RIT2: variants seen among roughly 807,000 people sequenced by gnomAD.
The protein encoded by RIT2 is Ras like without CAAX 2.
In RIT2, 24 loss-of-function variants were observed where a neutral mutation model predicts 23.7. The observed-to-expected ratio is 1.01, with a 90% confidence interval of 0.73 to 1.43. The LOEUF (loss-of-function observed/expected upper bound fraction) is 1.43, where lower values mean the gene tolerates loss of function less well. Among genes scored for constraint, RIT2 ranks in the 40% most tolerant of loss-of-function variants. The probability of loss-of-function intolerance (pLI) is 0.00; values close to 1 mark genes in which losing one functional copy is unlikely to be tolerated. For missense variants in RIT2, 236 were observed against 266.9 expected (o/e 0.88, Z 0.81); for synonymous variants, 107 against 91.1 (o/e 1.17, Z -0.99).
Position 42,905,553 on chromosome 18 carries a change from A to G in RIT2, c.426+18019T>C, listed in dbSNP as rs182963565. 4.2e-3 allele frequency among the ~76,000 whole-genome samples: 641 copies of G among 152,224 alleles called. 4 individuals are homozygous for G. The highest frequency in any genetic ancestry group is 5.9e-3 in the Non-Finnish European group (402 of 68,000). ...AGTGGTGCAATCTTGGCTCACTGCAACCTCTGCCTCGCAGGTTCAAGTGAT... is the reference window on the plus strand; with the variant it reads ...AGTGGTGCAATCTTGGCTCACTGCAGCCTCTGCCTCGCAGGTTCAAGTGAT... On this transcript the variant is annotated intron_variant, in intron 4 of 4. Coordinates refer to ENST00000326695, the MANE Select transcript of RIT2 (RefSeq NM_002930.4).
chr18:42,809,685 T>C (rs565376471), intron 4 of RIT2, among the ~76,000 whole-genome samples: 73 of 151,508 alleles, frequency 4.8e-4, no homozygotes, highest in African/African-American at 1.6e-3. Flanking sequence ...GTAGAATGAC[T>C]AGTTTACAGT....
At chr18:42,954,715 G>A (rs952554014) in intron 3 of RIT2, among the ~76,000 whole-genome samples, 2 of 151,884 alleles carry the variant, frequency 1.3e-5, no homozygotes, top group African/African-American at 4.8e-5. Context: ...ATACAACGTA[G>A]CCTTCAGATG....
chr18:43,092,520 G>C (rs568466223), intron 1 of RIT2, among the ~76,000 whole-genome samples: 1 of 152,046 alleles, frequency 6.6e-6, no homozygotes, highest in African/African-American at 2.4e-5. Context: ...GTGTGTTTTT[G>C]AGTTTGTGAA....
At chr18:43,040,990 G>A (rs1034742045) in intron 1 of RIT2, among the ~76,000 whole-genome samples, 5 of 151,960 alleles carry the variant, frequency 3.3e-5, no homozygotes, top group Admixed American at 1.3e-4. Flanking sequence ...AATTTTTGTA[G>A]GGTGTAAAAC....
chr18:43,061,049 C>T (rs1912632696), intron 1 of RIT2, among the ~76,000 whole-genome samples: 1 of 151,948 alleles, frequency 6.6e-6, no homozygotes, highest in African/African-American at 2.4e-5. Context: ...GTAATATCTA[C>T]ATTATATATA....
intron 3 of RIT2, among the ~76,000 whole-genome samples, chr18:42,933,170 A>G (rs990921785): frequency 6.6e-6 from 1 of 152,144 alleles, no homozygotes; most frequent in Non-Finnish European, 1.5e-5. Flanking sequence ...TGCTAACTCT[A>G]TGATAATGTA....
intron 2 of RIT2, among the ~76,000 whole-genome samples, chr18:43,022,374 G>A (rs1911617260): frequency 6.6e-6 from 1 of 152,076 alleles, no homozygotes; most frequent in South Asian, 2.1e-4. Flanking sequence ...GAAGGAATAA[G>A]TTCTAATGTG....
chr18:42,856,438 T>C (rs888293800), intron 4 of RIT2, among the ~76,000 whole-genome samples: 1 of 152,228 alleles, frequency 6.6e-6, no homozygotes. Flanking sequence ...CACATAAAAC[T>C]AGACAATTTC....
intron 4 of RIT2, among the ~76,000 whole-genome samples, chr18:42,916,190 T>A (rs1208216437): frequency 6.6e-6 from 1 of 152,118 alleles, no homozygotes; most frequent in Non-Finnish European, 1.5e-5. Flanking sequence ...TGATAATTAG[T>A]ATTTCTAATG....
At chr18:42,961,326 A>G (rs1910089052) in intron 3 of RIT2, among the ~76,000 whole-genome samples, 1 of 152,222 alleles carries the variant, frequency 6.6e-6, no homozygotes. Flanking sequence ...CAGTTACTCC[A>G]GAAGTAGAGT....
intron 4 of RIT2, among the ~76,000 whole-genome samples, chr18:42,895,562 A>T (rs1908305444): frequency 1.3e-5 from 2 of 152,234 alleles, no homozygotes; most frequent in Admixed American, 1.3e-4. Flanking sequence ...TACAGTACTC[A>T]TGGTCAACAC....
chr18:42,872,804 A>C (rs1907652347), intron 4 of RIT2, among the ~76,000 whole-genome samples: 1 of 152,156 alleles, frequency 6.6e-6, no homozygotes, highest in South Asian at 2.1e-4. Context: ...TTCCACTCTT[A>C]TTTCTTGTCC....
At chr18:42,788,597 A>G (rs1180943326) in intron 4 of RIT2, among the ~76,000 whole-genome samples, 1 of 152,222 alleles carries the variant, frequency 6.6e-6, no homozygotes, top group Admixed American at 6.5e-5. Flanking sequence ...AGATTCATTA[A>G]TATCACCACC....
chr18:42,937,530 A>T (rs1647996720), intron 3 of RIT2, among the ~76,000 whole-genome samples: 1 of 152,156 alleles, frequency 6.6e-6, no homozygotes, highest in Non-Finnish European at 1.5e-5. Flanking sequence ...GGCAGCATGC[A>T]TGGATTCCTA....
chr18:42,891,385 T>C (rs1475457303), intron 4 of RIT2, among the ~76,000 whole-genome samples: 1 of 152,206 alleles, frequency 6.6e-6, no homozygotes, highest in South Asian at 2.1e-4. Context: ...ACTGAAGTTA[T>C]TAGCATATTT....
intron 4 of RIT2, among the ~76,000 whole-genome samples, chr18:42,755,077 A>T (rs1367523): frequency 0.087 from 13,266 of 152,216 alleles, 786 homozygotes; most frequent in Non-Finnish European, 0.14. Context: ...ATGAGCTATC[A>T]CATGAAAGGC....
intron 2 of RIT2, among the ~76,000 whole-genome samples, chr18:43,022,429 T>C (rs1173201103): frequency 6.6e-6 from 1 of 152,066 alleles, no homozygotes; most frequent in East Asian, 1.9e-4. Context: ...AATTGTGTAA[T>C]TGAAAATAGC....
intron 4 of RIT2, among the ~76,000 whole-genome samples, chr18:42,820,899 G>A (rs1381976260): frequency 6.6e-6 from 1 of 152,142 alleles, no homozygotes; most frequent in African/African-American, 2.4e-5. Context: ...CAGGTGGGAA[G>A]TGTTTGGATA....
chr18:43,035,873 T>A, intron 1 of RIT2, among the ~76,000 whole-genome samples: 1 of 152,236 alleles, frequency 6.6e-6, no homozygotes, highest in African/African-American at 2.4e-5. Context: ...AGCTCCTGAA[T>A]AAAATCTGTT....
Sources: allele counts gnomAD v4.1 joint callset (sites outside exome capture counted in the v4.1 genomes callset), GRCh38; gene constraint gnomAD v4.1.1; transcripts MANE v1.5; gene names NCBI Gene and HGNC (gene_info 2026-07-23, HGNC 2026-07-21).